SCNM1: variants seen among roughly 807,000 people sequenced by gnomAD.
SCNM1 encodes sodium channel modifier 1.
SCNM1 carries 24 observed loss-of-function variants against 32.8 expected under a neutral mutation model. The ratio of observed to expected loss-of-function variants is 0.73; its 90% CI spans 0.53 to 1.03. The LOEUF is 1.03. SCNM1 is among the 50% of genes least tolerant of loss of function. The pLI is 0.00. For missense variants in SCNM1, 274 were observed against 282.3 expected (o/e 0.97, Z 0.21); for synonymous variants, 99 against 103.2 (o/e 0.96, Z 0.25).
chr1:151,168,339 G>A lies in SCNM1; in HGVS notation c.593+1G>A, dbSNP rs1355530677. Reference sequence around the variant, plus strand: ...TGGACCATTATCTCACCCTTCGAAGGTGAGTATGCCTAATCAGTTTCCTCA... The same window carrying A: ...TGGACCATTATCTCACCCTTCGAAGATGAGTATGCCTAATCAGTTTCCTCA... On this transcript the variant is annotated splice_donor_variant, in intron 6 of 6. Transcript: ENST00000368905. LOFTEE classifies it high-confidence loss of function. 1.2e-6 allele frequency: 2 copies of A among 1,601,852 alleles called. No homozygotes were observed. Among genetic ancestry groups the A allele is most frequent in the South Asian group, 2.2e-5 (2 of 89,772 alleles).
At position 151,168,340 on chromosome 1, in the gene SCNM1, T is replaced by C; in HGVS notation, c.593+2T>C. ...GGACCATTATCTCACCCTTCGAAGG[T>C]GAGTATGCCTAATCAGTTTCCTCAG... On this transcript the variant is annotated splice_donor_variant, in intron 6 of 6. Coordinates refer to ENST00000368905, the MANE Select transcript of SCNM1 (RefSeq NM_024041.4). LOFTEE classifies it high-confidence loss of function. 2 of 1,589,848 alleles carry C rather than the reference T, an allele frequency of 1.3e-6. No individual in the cohort carries two copies. The highest frequency in any genetic ancestry group is 1.7e-6 in the Non-Finnish European group (2 of 1,166,998).
At chr1:151,166,414 C>T (rs1003168458) in intron 1 of SCNM1, 57 bp from the exon 2 acceptor site, 13 of 1,608,054 alleles carry the variant, frequency 8.1e-6, no homozygotes, top group African/African-American at 1.3e-5. Flanking sequence ...ATTTCACTTC[C>T]ACCCCTCTCT....
Position 151,167,144 on chromosome 1 carries a change from A to G in SCNM1, c.235A>G (p.Lys79Glu), listed in dbSNP as rs1683743777. The change falls in exon 4 of 7, where the codon AAG (lysine) becomes GAG (glutamate). Residue 79 changes from lysine to glutamate, a missense_variant. Coordinates refer to ENST00000368905, the MANE Select transcript of SCNM1 (RefSeq NM_024041.4). ...LSSLQLFYGK[K>E]QPGKERKQNP... ...AGGCTTGCAGCTTTTCTATGGCAAG[A>G]AGCAGCCGGGAAAGGAAAGAAAGCA... 5.6e-6 allele frequency: 9 copies of G among 1,614,086 alleles called. No individual in the cohort carries two copies. The highest frequency in any genetic ancestry group is 7.6e-6 in the Non-Finnish European group (9 of 1,180,048).
At position 151,170,248 on chromosome 1, in the gene SCNM1, A is replaced by C. The variant is rs1683904288; in HGVS notation, c.*1163A>C. The C allele has an allele frequency of 1.0e-6, 1 of 964,342 alleles. No homozygotes were observed. The highest frequency in any genetic ancestry group is 2.5e-5 in the East Asian group (1 of 40,596). The allele number at this position is 964,342 out of a possible 1,614,324, so 59.7% of individuals were successfully genotyped here. On this transcript the variant is annotated 3_prime_UTR_variant, in exon 7 of 7. Coordinates refer to ENST00000368905, the MANE Select transcript of SCNM1 (RefSeq NM_024041.4). ...TACAGGCCCATCCCACATTAACAAA[A>C]CAAAACAAGAAACCACACCACAAAT...
intron 2 of SCNM1, 74 bp downstream of exon 2, chr1:151,166,615 T>C: frequency 6.5e-7 from 1 of 1,548,394 alleles, no homozygotes; most frequent in South Asian, 1.2e-5. Context: ...TTTTTTTCCT[T>C]TGAGACGGAG....
rs1298361166 is a variant in SCNM1, at chr1:151,169,076, C to G, written c.684C>G (p.Pro228=). The G allele has an allele frequency of 5.0e-6, 8 of 1,614,056 alleles. No individual in the cohort carries two copies. Among genetic ancestry groups the G allele is most frequent in the Non-Finnish European group, 6.8e-6 (8 of 1,179,994 alleles). The stretch of plus-strand genomic sequence containing the variant: ...ATGAGGAGGAACCACCTGATCTCCC[C>G]TTGGACTGATACCCTTTTCCCATTC... ...DSDEEEPPDL[P]LD is the part of the protein sequence containing the mutation. Residue 228 remains proline, a synonymous_variant, in exon 7 of 7, where the codon CCC becomes CCG. Transcript: ENST00000368905.
At position 151,167,038 on chromosome 1, in the gene SCNM1, GACGGGATGGGGAATAA is replaced by G; in HGVS notation, c.211+19_211+34del. The stretch of plus-strand genomic sequence containing the variant: ...CATCTGTCCAGTAAGTTAGGGGGAA[GACGGGATGGGGAATAA>G]ACCCTCGAAATCTCTGCACACCACT... On this transcript the variant is annotated intron_variant, in intron 3 of 6. Coordinates refer to ENST00000368905, the MANE Select transcript of SCNM1 (RefSeq NM_024041.4). 1 of 1,614,232 alleles carries G rather than the reference GACGGGATGGGGAATAA, an allele frequency of 6.2e-7. No individual in the cohort carries two copies. The highest frequency in any genetic ancestry group is 1.1e-5 in the South Asian group (1 of 91,084).
chr1:151,167,242 T>G (rs764075483), intron 4 of SCNM1, 24 bp downstream of exon 4: 4 of 1,613,838 alleles, frequency 2.5e-6, no homozygotes, highest in Non-Finnish European at 3.4e-6. Context: ...GGAGAGTGTG[T>G]TCTAGGCAAG....
rs760512459 is a variant in SCNM1 at position 151,167,374 on chromosome 1, A to T, written c.358A>T (p.Arg120Ter). ...ACTTATCACCCAGAGTGCTCTGCACAGAGCTCCCCACTATAACAGTTGCTG... is the reference window on the plus strand; with the variant it reads ...ACTTATCACCCAGAGTGCTCTGCACTGAGCTCCCCACTATAACAGTTGCTG... ...TRLITQSALHRAPHYNSCCRR... is the reference protein window; with the variant it reads ...TRLITQSALH Residue 120 changes from arginine (R) to a stop codon, truncating the protein, a stop_gained, in exon 5 of 7, where the codon AGA (arginine) becomes TGA (stop). Coordinates refer to ENST00000368905, the MANE Select transcript of SCNM1 (RefSeq NM_024041.4). LOFTEE classifies it high-confidence loss of function. 1 of 1,614,194 alleles carries T rather than the reference A, an allele frequency of 6.2e-7. No individual in the cohort carries two copies. The highest frequency in any genetic ancestry group is 8.5e-7 in the Non-Finnish European group (1 of 1,180,036).
intron 5 of SCNM1, chr1:151,167,722 C>T (rs1572077175): frequency 2.6e-6 from 1 of 384,484 alleles, no homozygotes; most frequent in East Asian, 6.1e-5. Flanking sequence ...ATCCCAGCTA[C>T]TCAAGAGGCT....
chr1:151,166,978 T>G lies in SCNM1; in HGVS notation c.167T>G (p.Leu56Arg). 6.2e-7 allele frequency: 1 copy of G among 1,614,126 alleles called. No homozygotes were observed. Among genetic ancestry groups the G allele is most frequent in the Non-Finnish European group, 8.5e-7 (1 of 1,180,020 alleles). The change falls in exon 3 of 7, where the codon CTG becomes CGG. Residue 56 changes from leucine to arginine, a missense_variant. Leu to Arg is a moderately radical substitution (Grantham distance 102). Transcript: ENST00000368905. ...CCCCATCGACCGGTACTGGACACCC[T>G]GGCCATGCTGACTGCCCACCGTGCA... ...ICPHRPVLDT[L>R]AMLTAHRAGK...
chr1:151,168,869 C>T (rs587667413), intron 6 of SCNM1, 117 bp from the exon 7 acceptor site: 2 of 895,666 alleles, frequency 2.2e-6, no homozygotes, highest in African/African-American at 3.6e-5. Context: ...AACTCCTGAC[C>T]TCAAGTGATC....
rs1299250907 is a variant in SCNM1 at position 151,166,219 on chromosome 1, G to A, written c.51+16G>A. 9 of 1,587,076 alleles carry A rather than the reference G, an allele frequency of 5.7e-6. No homozygotes were observed. Among genetic ancestry groups the A allele is most frequent in the Non-Finnish European group, 7.7e-6 (9 of 1,165,386 alleles). On this transcript the variant is annotated intron_variant, in intron 1 of 6. Coordinates refer to ENST00000368905, the MANE Select transcript of SCNM1 (RefSeq NM_024041.4). ...TGTGCTCAAAGTAAGCGTGAGCGGA[G>A]AGGATCTGGAGCCGCTTCAGTCGCT...
intron 5 of SCNM1, 155 bp from the exon 6 acceptor site, chr1:151,167,989 C>G: frequency 1.1e-6 from 1 of 870,606 alleles, no homozygotes; most frequent in Non-Finnish European, 1.6e-6. Context: ...TTAAGCTAGC[C>G]TTTCCCAAAT....
chr1:151,169,219 G>GGAGTA lies in SCNM1; in HGVS notation c.*135_*136insAGTAG. ...CATTCCAACTACTCCTTGCCTGCAA[G>GGAGTA]GTACACAGCTCTCCACACTCCTTTT... On this transcript the variant is annotated 3_prime_UTR_variant, in exon 7 of 7. Coordinates refer to ENST00000368905, the MANE Select transcript of SCNM1 (RefSeq NM_024041.4). 1 of 814,128 alleles carries GGAGTA rather than the reference G, an allele frequency of 1.2e-6. No individual in the cohort carries two copies. The allele number at this position is 814,128 out of a possible 1,614,324, so 50.4% of individuals were successfully genotyped here.
Position 151,170,019 on chromosome 1 carries a change from G to A in SCNM1, c.*934G>A. On this transcript the variant is annotated 3_prime_UTR_variant, in exon 7 of 7. Coordinates refer to ENST00000368905, the MANE Select transcript of SCNM1 (RefSeq NM_024041.4). ...AAGGGCTTTTATTTACAGGAAAGGA[G>A]GACAGATGAGGATTTAAGTGTCCAG... 1 of 1,588,238 alleles carries A rather than the reference G, an allele frequency of 6.3e-7. No individual in the cohort carries two copies.
intron 6 of SCNM1, 107 bp downstream of exon 6, chr1:151,168,445 G>A: frequency 7.1e-7 from 1 of 1,410,936 alleles, no homozygotes; most frequent in Non-Finnish European, 9.3e-7. Flanking sequence ...TTTCACTCTT[G>A]TTGCCCCAGC....
Position 151,169,653 on chromosome 1 carries a change from G to T in SCNM1, c.*568G>T. 4.9e-6 allele frequency: 1 copy of T among 204,054 alleles called. No individual in the cohort carries two copies. Among genetic ancestry groups the T allele is most frequent in the Non-Finnish European group, 1.0e-5 (1 of 99,478 alleles). The allele number at this position is 204,054 out of a possible 1,614,324, so 12.6% of individuals were successfully genotyped here. On this transcript the variant is annotated 3_prime_UTR_variant, in exon 7 of 7. Transcript: ENST00000368905. Reference sequence around the variant, plus strand: ...ATAAGACTGTCAAAAAGAGGTCTTTGCCCTTCATGTTGTCTGCCTGCTTCT... The same window carrying T: ...ATAAGACTGTCAAAAAGAGGTCTTTTCCCTTCATGTTGTCTGCCTGCTTCT...
rs923048904 is a variant in SCNM1, at chr1:151,169,313, C to T, written c.*228C>T. ...AGGCTGGAGTGCAGTGGCACGATCT[C>T]GGCTCACTGCAAGCTCTGCCTCCCA... On this transcript the variant is annotated 3_prime_UTR_variant, in exon 7 of 7. Coordinates refer to ENST00000368905, the MANE Select transcript of SCNM1 (RefSeq NM_024041.4). 2.0e-5 allele frequency: 8 copies of T among 392,152 alleles called. No individual in the cohort carries two copies. The highest frequency in any genetic ancestry group is 3.9e-5 in the Admixed American group (1 of 25,438). The allele number at this position is 392,152 out of a possible 1,614,324, so 24.3% of individuals were successfully genotyped here. A position where few individuals can be genotyped will look rare whatever the true frequency, so the allele number is the denominator to read the frequency against.
Sources: allele counts gnomAD v4.1 joint callset, GRCh38; gene constraint gnomAD v4.1.1; transcripts MANE v1.5; gene names NCBI Gene and HGNC (gene_info 2026-07-23, HGNC 2026-07-21).